SMOC1: variants seen among roughly 807,000 people sequenced by gnomAD.
SMOC1 encodes the protein SPARC related modular calcium binding 1.
SMOC1 carries 22 observed loss-of-function variants against 56.3 expected under a neutral mutation model. The observed-to-expected ratio is 0.39, with a 90% confidence interval of 0.28 to 0.56. The LOEUF is 0.56. Ranked by LOEUF, SMOC1 falls within the 20% of genes least tolerant of loss-of-function variation. The probability of loss-of-function intolerance (pLI) is 0.61; values close to 1 mark genes in which losing one functional copy is unlikely to be tolerated. For synonymous variants in SMOC1, 193 were observed against 215.0 expected, an observed-to-expected ratio of 0.90 and a Z score of 0.89; for missense variants, 509 against 565.4, an observed-to-expected ratio of 0.90 and a Z score of 1.01.
chr14:69,963,607 G>A (rs1883464698), intron 3 of SMOC1, among the ~76,000 whole-genome samples: 2 of 152,160 alleles, frequency 1.3e-5, no homozygotes, highest in South Asian at 4.2e-4. Flanking sequence ...GGGCATTAAG[G>A]TTCTCAGCAC....
At position 69,952,275 on chromosome 14, in the gene SMOC1, G is replaced by A. The variant is rs759608488; in HGVS notation, c.237G>A (p.Leu79=). 21 of 1,614,168 alleles carry A rather than the reference G, an allele frequency of 1.3e-5. No individual in the cohort carries two copies. The East Asian group carries it at 4.2e-4, about 33-fold the overall frequency. ...GAGCCAAGTGCCGAGACCCGACCCT[G>A]GGCGTGGTGCATCGAGGTAGATGCA... ...YQRAKCRDPT[L]GVVHRGRCKD... Residue 79 remains leucine, a synonymous_variant, in exon 2 of 12, where the codon CTG becomes CTA. Coordinates refer to ENST00000361956, the MANE Select transcript of SMOC1 (RefSeq NM_001034852.3).
intron 4 of SMOC1, among the ~76,000 whole-genome samples, chr14:69,976,137 T>G (rs1051320549): frequency 2.0e-5 from 3 of 152,202 alleles, no homozygotes; most frequent in African/African-American, 7.2e-5. Context: ...TGCTAGTGGC[T>G]CTTGAAGTGC....
chr14:70,030,169 A>G, intron 11 of SMOC1, 73 bp from the exon 12 acceptor site: 2 of 1,604,170 alleles, frequency 1.2e-6, no homozygotes, highest in African/African-American at 2.7e-5. Context: ...TCACAAGCCC[A>G]ACTCTAACTT....
At chr14:69,972,903 A>G (rs1883824108) in intron 3 of SMOC1, among the ~76,000 whole-genome samples, 1 of 152,234 alleles carries the variant, frequency 6.6e-6, no homozygotes, top group Non-Finnish European at 1.5e-5. Flanking sequence ...CCCGCAGCAC[A>G]GCACTGGGCC....
chr14:69,941,354 C>T (rs560546079), intron 1 of SMOC1, among the ~76,000 whole-genome samples: 2 of 152,284 alleles, frequency 1.3e-5, no homozygotes, highest in Admixed American at 1.3e-4. Flanking sequence ...CATGTAGATG[C>T]CTAGTGTAGC....
chr14:69,940,236 C>T (rs1308772676), intron 1 of SMOC1, among the ~76,000 whole-genome samples: 2 of 152,168 alleles, frequency 1.3e-5, no homozygotes, highest in Admixed American at 6.5e-5. Context: ...TGAACTTCTC[C>T]CTCAGTCCCC....
At chr14:69,970,269 C>G (rs1883711056) in intron 3 of SMOC1, among the ~76,000 whole-genome samples, 1 of 152,196 alleles carries the variant, frequency 6.6e-6, no homozygotes, top group Admixed American at 6.5e-5. Context: ...TCAGTCGCTT[C>G]CTGTCTCTTC....
At chr14:69,951,314 G>T (rs933479289) in intron 1 of SMOC1, among the ~76,000 whole-genome samples, 1 of 152,158 alleles carries the variant, frequency 6.6e-6, no homozygotes, top group African/African-American at 2.4e-5. Context: ...CAGATTCAAG[G>T]GAGAGGAAAT....
intron 1 of SMOC1, among the ~76,000 whole-genome samples, chr14:69,935,188 G>C (rs1885264685): frequency 6.6e-6 from 1 of 152,186 alleles, no homozygotes; most frequent in Non-Finnish European, 1.5e-5. Flanking sequence ...TTCTGGTGGA[G>C]ACAGGGACCC....
intron 1 of SMOC1, among the ~76,000 whole-genome samples, chr14:69,880,716 A>G (rs935301148): frequency 6.6e-6 from 1 of 152,322 alleles, no homozygotes; most frequent in East Asian, 1.9e-4. Context: ...TTGACTCTTA[A>G]CTGGCAGCCT....
At chr14:69,935,419 A>G (rs79727871) in intron 1 of SMOC1, among the ~76,000 whole-genome samples, 6 of 152,302 alleles carry the variant, frequency 3.9e-5, no homozygotes, top group East Asian at 1.9e-4. Flanking sequence ...CCTTAGCCCT[A>G]TCTTTTTGGA....
chr14:69,975,945 T>C, intron 4 of SMOC1, 131 bp downstream of exon 4: 1 of 704,276 alleles, frequency 1.4e-6, no homozygotes, highest in Non-Finnish European at 2.6e-6. Context: ...CAGGGAGGAT[T>C]CTACTCTAAC....
chr14:70,030,330 C>T lies in SMOC1; in HGVS notation c.*72C>T, dbSNP rs184678642. On this transcript the variant is annotated 3_prime_UTR_variant, in exon 12 of 12. Transcript: ENST00000361956. ...GGATCACCAGACACCTAACCTTCAG[C>T]GTTGCCCATGGCCCTGCCACATCCC... is the stretch of plus-strand genomic sequence containing the variant. 5.7e-6 allele frequency: 9 copies of T among 1,589,328 alleles called. No homozygotes were observed. Among genetic ancestry groups the T allele is most frequent in the African/African-American group, 1.4e-5 (1 of 73,836 alleles).
At chr14:69,907,709 A>G (rs1884447684) in intron 1 of SMOC1, among the ~76,000 whole-genome samples, 2 of 152,360 alleles carry the variant, frequency 1.3e-5, no homozygotes, top group Non-Finnish European at 1.5e-5. Context: ...GCAAAATACC[A>G]TAGACTGGGT....
At chr14:69,976,203 A>G (rs117824425) in intron 4 of SMOC1, among the ~76,000 whole-genome samples, 22 of 152,246 alleles carry the variant, frequency 1.4e-4, no homozygotes, top group Admixed American at 2.0e-4. Context: ...GGCTGTAGTT[A>G]TCTATTAGTG....
chr14:69,933,457 A>G (rs1185419001), intron 1 of SMOC1, among the ~76,000 whole-genome samples: 1 of 152,152 alleles, frequency 6.6e-6, no homozygotes, highest in Non-Finnish European at 1.5e-5. Flanking sequence ...GGTTCTTTAT[A>G]CAGCTGTGTG....
intron 1 of SMOC1, among the ~76,000 whole-genome samples, chr14:69,906,719 G>C (rs911904738): frequency 6.6e-6 from 1 of 152,188 alleles, no homozygotes; most frequent in African/African-American, 2.4e-5. Context: ...GGCTTGAAGT[G>C]GTCAGGACAG....
At chr14:70,011,390 C>T in intron 8 of SMOC1, 95 bp from the exon 9 acceptor site, 3 of 1,229,058 alleles carry the variant, frequency 2.4e-6, no homozygotes, top group Non-Finnish European at 3.6e-6. Context: ...GTGCTTTAGG[C>T]TTGGTGACAA....
At position 69,886,049 on chromosome 14, in the gene SMOC1, A is replaced by C. The variant is rs190882660; in HGVS notation, c.99+6272A>C. The C allele has an allele frequency of 4.0e-4, 634 of 1,585,914 alleles. 3 individuals are homozygous for C. The African/African-American group carries it at 7.3e-3, about 18-fold the overall frequency. On this transcript the variant is annotated intron_variant, in intron 1 of 11. Coordinates refer to ENST00000361956, the MANE Select transcript of SMOC1 (RefSeq NM_001034852.3). Reference sequence around the variant, plus strand: ...AAAATTCTTAGGCCTTTTCTCAAACAGGGGATTCACCACTTTCTTAGCCTC... The same window carrying C: ...AAAATTCTTAGGCCTTTTCTCAAACCGGGGATTCACCACTTTCTTAGCCTC...
Sources: gnomAD v4.1 joint callset for allele counts (sites outside exome capture counted in the v4.1 genomes callset) on GRCh38, gnomAD v4.1.1 for gene constraint, MANE v1.5 for transcripts, NCBI Gene and HGNC (gene_info 2026-07-23, HGNC 2026-07-21) for gene names.